LMF1: variants seen among roughly 807,000 people sequenced by gnomAD.
LMF1 encodes lipase maturation factor 1.
LMF1 carries 68 observed loss-of-function variants against 60.6 expected under a neutral mutation model. That is an observed-to-expected ratio of 1.12 (90% CI 0.92 to 1.37). LMF1 has a LOEUF of 1.37. Among genes scored for constraint, LMF1 ranks in the 40% most tolerant of loss-of-function variants. The pLI, the probability that LMF1 is intolerant of heterozygous loss-of-function variation, is 0.00. For missense variants in LMF1, 948 were observed against 767.2 expected (o/e 1.24, Z -2.78); for synonymous variants, 418 against 324.7 (o/e 1.29, Z -3.09).
intron 6 of LMF1, chr16:873,226 GCCTT>G (rs2069855107): frequency 6.6e-6 from 1 of 152,438 alleles, no homozygotes; most frequent in South Asian, 2.1e-4. Context: ...GGGGGACCTC[GCCTT>G]CCTTGTTTTT....
Position 910,911 on chromosome 16 carries a change from C to A in LMF1, c.663+20G>T, listed in dbSNP as rs200608546. The stretch of plus-strand genomic sequence containing the variant: ...AGCCACCGTTATTCCCCAAACACCA[C>A]GCAGAAGAGCTCCACTTACTGCTCC... On this transcript the variant is annotated intron_variant, in intron 4 of 10. Coordinates refer to ENST00000262301, the MANE Select transcript of LMF1 (RefSeq NM_022773.4). The A allele has an allele frequency of 6.2e-7, 1 of 1,611,972 alleles. No individual in the cohort carries two copies.
rs763820508 is a variant in LMF1 at position 970,884 on chromosome 16, G to C, written c.97C>G (p.Pro33Ala). Residue 33 changes from proline (P) to alanine (A), a missense_variant, in exon 1 of 11, where the codon CCG becomes GCG. Coordinates refer to ENST00000262301, the MANE Select transcript of LMF1 (RefSeq NM_022773.4). Reference sequence around the variant, plus strand: ...GGAGAGCCTGCGGGGCCACGCCCCGGCGCGGGCGGCGACTCAGGCTCCGGA... The same window carrying C: ...GGAGAGCCTGCGGGGCCACGCCCCGCCGCGGGCGGCGACTCAGGCTCCGGA... ...SDPEPESPPA[P>A]GRGPAGSPAH... 1 of 1,572,756 alleles carries C rather than the reference G, an allele frequency of 6.4e-7. No individual in the cohort carries two copies. The highest frequency in any genetic ancestry group is 8.6e-7 in the Non-Finnish European group (1 of 1,161,676).
At chr16:977,246 C>A (rs1204059697) in intron 1 of LMF1, among the ~76,000 whole-genome samples, 2 of 152,230 alleles carry the variant, frequency 1.3e-5, no homozygotes, top group Non-Finnish European at 2.9e-5. Flanking sequence ...CCCCAGCTGG[C>A]ACTGCCAGCA....
At chr16:864,198 C>T (rs185208478) in intron 10 of LMF1, among the ~76,000 whole-genome samples, 1 of 152,310 alleles carries the variant, frequency 6.6e-6, no homozygotes, top group East Asian at 1.9e-4. Context: ...TCTTTGTCTC[C>T]AATAATTTTT....
chr16:886,533 G>A (rs12918075), intron 5 of LMF1, among the ~76,000 whole-genome samples: 1,645 of 34,242 alleles, frequency 0.048, 21 homozygotes, highest in Non-Finnish European at 0.069. Flanking sequence ...CCTCCCACCC[G>A]AGACCCCCGA....
chr16:871,598 C>T (rs571992614), intron 6 of LMF1: 63 of 512,960 alleles, frequency 1.2e-4, no homozygotes, highest in African/African-American at 1.1e-3. Flanking sequence ...CAGGTTCTGT[C>T]CCTTGCTTTA....
At chr16:857,055 C>A (rs2069205946) in intron 10 of LMF1, among the ~76,000 whole-genome samples, 1 of 152,268 alleles carries the variant, frequency 6.6e-6, no homozygotes, top group South Asian at 2.1e-4. Flanking sequence ...GCAGGCGATT[C>A]TCACGCCAAT....
chr16:959,710 T>C (rs1323052698), intron 1 of LMF1, among the ~76,000 whole-genome samples: 1 of 151,884 alleles, frequency 6.6e-6, no homozygotes, highest in Non-Finnish European at 1.5e-5. Flanking sequence ...TCCAGGGCTT[T>C]CCCCCCCGGG....
At chr16:911,375 C>T (rs12935494) in intron 3 of LMF1, among the ~76,000 whole-genome samples, 11,017 of 152,128 alleles carry the variant, frequency 0.072, 481 homozygotes, top group Middle Eastern at 0.14. Context: ...CCCTGCAGGA[C>T]GCTGCACGGA....
chr16:870,613 G>C lies in LMF1; in HGVS notation c.1232+116C>G, dbSNP rs1435450209. ...TGTGCCTGGGTCAGGCTGGGGTGGG[G>C]CAGGGGACACTTGGGGTCATGGGGG... is the stretch of plus-strand genomic sequence containing the variant. On this transcript the variant is annotated intron_variant, in intron 8 of 10. Coordinates refer to ENST00000262301, the MANE Select transcript of LMF1 (RefSeq NM_022773.4). 5 of 1,235,394 alleles carry C rather than the reference G, an allele frequency of 4.0e-6. No individual in the cohort carries two copies. The African/African-American group carries it at 7.4e-5, about 18-fold the overall frequency. The allele number at this position is 1,235,394 out of a possible 1,614,324, so 76.5% of individuals were successfully genotyped here.
intron 2 of LMF1, among the ~76,000 whole-genome samples, chr16:947,797 G>C (rs1287469247): frequency 6.6e-6 from 1 of 152,242 alleles, no homozygotes; most frequent in African/African-American, 2.4e-5. Flanking sequence ...GTCAGCCAAT[G>C]ACAGAGTCAG....
intron 4 of LMF1, among the ~76,000 whole-genome samples, chr16:896,711 C>G (rs369429442): frequency 2.7e-4 from 41 of 152,314 alleles, no homozygotes; most frequent in African/African-American, 9.6e-4. Flanking sequence ...CGCATGAGCA[C>G]CAGCTCTGCT....
intron 2 of LMF1, among the ~76,000 whole-genome samples, chr16:941,421 T>C (rs2072098585): frequency 1.3e-5 from 2 of 152,172 alleles, no homozygotes; most frequent in African/African-American, 4.8e-5. Flanking sequence ...GGCTTCACCA[T>C]GTTGGCCAGG....
At chr16:862,306 G>C (rs147179050) in intron 10 of LMF1, among the ~76,000 whole-genome samples, 3,259 of 151,960 alleles carry the variant, frequency 0.021, 120 homozygotes, top group African/African-American at 0.074. Flanking sequence ...ACCATGCCCA[G>C]CTAATTTTTG....
Position 871,351 on chromosome 16 carries a change from C to T in LMF1, c.898-10G>A, listed in dbSNP as rs200812628. 41 of 1,611,214 alleles carry T rather than the reference C, an allele frequency of 2.5e-5. No individual in the cohort carries two copies. The highest frequency in any genetic ancestry group is 1.2e-4 in the African/African-American group (9 of 74,970). On this transcript the variant is annotated splice_polypyrimidine_tract_variant and intron_variant, in intron 6 of 10. Coordinates refer to ENST00000262301, the MANE Select transcript of LMF1 (RefSeq NM_022773.4). ...TGACGATGAGGACGGCCTGTGGAGA[C>T]GCCGCAGCTGAGTCTCGTGCAGGGG... is the stretch of plus-strand genomic sequence containing the variant.
At chr16:879,088 G>C (rs1012682787) in intron 6 of LMF1, among the ~76,000 whole-genome samples, 1 of 152,072 alleles carries the variant, frequency 6.6e-6, no homozygotes, top group South Asian at 2.1e-4. Flanking sequence ...GCGTTAGGGG[G>C]TACCCGGGGT....
chr16:881,567 T>C (rs1315849629), intron 5 of LMF1: 1 of 152,274 alleles, frequency 6.6e-6, no homozygotes, highest in Non-Finnish European at 1.5e-5. Context: ...GACACCTGTT[T>C]AGGGACTTAG....
intron 1 of LMF1, chr16:976,560 C>T (rs1392242200): frequency 2.2e-6 from 1 of 453,988 alleles, no homozygotes; most frequent in Admixed American, 2.3e-5. Context: ...GGGCTCCTGC[C>T]TAGGGATGTT....
At chr16:879,850 C>A (rs568564162) in intron 5 of LMF1, 113 bp from the exon 6 acceptor site, 2 of 1,083,148 alleles carry the variant, frequency 1.8e-6, no homozygotes, top group South Asian at 1.6e-5. Context: ...ACACAGGATC[C>A]CCCCGGCCCG....
Sources: gnomAD v4.1 joint callset for allele counts (sites outside exome capture counted in the v4.1 genomes callset) on GRCh38, gnomAD v4.1.1 for gene constraint, MANE v1.5 for transcripts, NCBI Gene and HGNC (gene_info 2026-07-23, HGNC 2026-07-21) for gene names.